The following CTNNA2 variants were observed in gnomAD, a reference collection of about 807,000 sequenced individuals.
CTNNA2 encodes the protein catenin alpha 2, also known as catenin alpha-2.
In CTNNA2, 42 loss-of-function variants were observed where a neutral mutation model predicts 101.0. The observed-to-expected ratio is 0.42, with a 90% CI of 0.32 to 0.54. The LOEUF is 0.54. Among genes scored for constraint, CTNNA2 ranks in the 20% least tolerant of loss-of-function variants. CTNNA2 has a pLI of 0.14. For missense variants in CTNNA2, 871 were observed against 1,223.1 expected, an observed-to-expected ratio of 0.71 and a Z score of 4.29; for synonymous variants, 450 against 456.4, an observed-to-expected ratio of 0.99 and a Z score of 0.18.
At chr2:80,166,555 T>C (rs1438811365) in intron 7 of CTNNA2, among the ~76,000 whole-genome samples, 2 of 152,182 alleles carry the variant, frequency 1.3e-5, no homozygotes, top group Non-Finnish European at 2.9e-5. Context: ...TCTATTTGGC[T>C]GTTGGCTGTT....
chr2:80,373,950 A>G (rs138116033), intron 7 of CTNNA2, among the ~76,000 whole-genome samples: 2 of 152,270 alleles, frequency 1.3e-5, no homozygotes, highest in East Asian at 3.9e-4. Flanking sequence ...TTGTAGCCTA[A>G]TCAGTAATGT....
intron 18 of CTNNA2, among the ~76,000 whole-genome samples, chr2:80,632,186 ACATACCAG>A: frequency 6.6e-6 from 1 of 152,148 alleles, no homozygotes; most frequent in South Asian, 2.1e-4. Flanking sequence ...TTAGTGGAGA[ACATACCAG>A]CATACCAGTA....
rs1258379535 is a variant in CTNNA2, at chr2:79,454,594, T to C, written c.-134-50460T>C. ...AACATAAAGTCTCAAAATATTATCA[T>C]GGTAACTTTGGATCTCTCTTTCCAG... On this transcript the variant is annotated intron_variant, in intron 4 of 21. Transcript: ENST00000466387. 2.0e-5 allele frequency among the ~76,000 whole-genome samples: 3 copies of C among 152,286 alleles called. No individual in the cohort carries two copies. In the South Asian group the frequency reaches 6.2e-4, roughly 32 times the overall value.
At chr2:80,024,558 G>A (rs1302572207) in intron 7 of CTNNA2, among the ~76,000 whole-genome samples, 12 of 152,234 alleles carry the variant, frequency 7.9e-5, no homozygotes. Flanking sequence ...CCCCTCATGG[G>A]AGGGGAAGCA....
At chr2:79,850,480 T>C (rs2103900850) in intron 3 of CTNNA2, among the ~76,000 whole-genome samples, 1 of 146,580 alleles carries the variant, frequency 6.8e-6, no homozygotes, top group East Asian at 2.2e-4. Context: ...CCTTCCTTCC[T>C]ATACCCTGTA....
Position 80,075,612 on chromosome 2 carries a change from GTATAAATA to G in CTNNA2, c.1056+165818_1056+165825del, listed in dbSNP as rs1698651165. ...TGTATAAATATAAATATTTATACATGTATAAATATAAATATTTATACATGTATAAATAT... is the reference window on the plus strand; with the variant it reads ...TGTATAAATATAAATATTTATACATGTAAATATTTATACATGTATAAATAT... On this transcript the variant is annotated intron_variant, in intron 7 of 18. Transcript: ENST00000402739. Among the ~76,000 whole-genome samples, 103 of 95,548 alleles carry G rather than the reference GTATAAATA, an allele frequency of 1.1e-3. 1 individual carries two copies. Among genetic ancestry groups the G allele is most frequent in the African/African-American group, 4.1e-3 (87 of 21,034 alleles). The allele number at this position is 95,548 out of a possible 152,430, so 62.7% of individuals were successfully genotyped here.
chr2:79,436,351 C>G (rs1046338596), intron 4 of CTNNA2, among the ~76,000 whole-genome samples: 6 of 152,160 alleles, frequency 3.9e-5, no homozygotes, highest in Non-Finnish European at 8.8e-5. Context: ...GCCCTTGAGG[C>G]CAGGGCTGGT....
chr2:79,272,749 A>G (rs189891834), intron 2 of CTNNA2, among the ~76,000 whole-genome samples: 3 of 152,180 alleles, frequency 2.0e-5, no homozygotes, highest in Non-Finnish European at 4.4e-5. Flanking sequence ...TGTAATTTTT[A>G]TGTGTTTTCT....
intron 3 of CTNNA2, among the ~76,000 whole-genome samples, chr2:79,752,327 T>G (rs930389776): frequency 3.3e-5 from 5 of 152,174 alleles, no homozygotes; most frequent in Non-Finnish European, 5.9e-5. Flanking sequence ...TTAAAGGAGA[T>G]AGTGATCACT....
chr2:79,828,972 C>G (rs948413010), intron 3 of CTNNA2, among the ~76,000 whole-genome samples: 1 of 152,122 alleles, frequency 6.6e-6, no homozygotes, highest in Non-Finnish European at 1.5e-5. Context: ...CTGTCAGAAA[C>G]CTCAATCTTA....
chr2:80,285,365 C>A (rs1272364524), intron 7 of CTNNA2, among the ~76,000 whole-genome samples: 1 of 152,172 alleles, frequency 6.6e-6, no homozygotes, highest in South Asian at 2.1e-4. Context: ...GGTGGGACTA[C>A]CCACATTCTC....
intron 17 of CTNNA2, among the ~76,000 whole-genome samples, chr2:80,614,018 A>G (rs1444402332): frequency 1.3e-5 from 2 of 151,494 alleles, no homozygotes; most frequent in Non-Finnish European, 3.0e-5. Context: ...GGGTCTTAGA[A>G]TTTTTTCAAG....
At chr2:79,798,838 C>T (rs1046869615) in intron 3 of CTNNA2, among the ~76,000 whole-genome samples, 2 of 152,132 alleles carry the variant, frequency 1.3e-5, no homozygotes, top group Admixed American at 6.5e-5. Flanking sequence ...AAATTCTCCC[C>T]AGGAGAGTGG....
intron 11 of CTNNA2, among the ~76,000 whole-genome samples, chr2:80,552,539 ACT>A (rs1437050689): frequency 6.6e-6 from 1 of 152,214 alleles, no homozygotes; most frequent in Non-Finnish European, 1.5e-5. Context: ...GTTGAAAAAC[ACT>A]GAGTAAACTG....
chr2:80,466,258 C>T (rs1339915860), intron 9 of CTNNA2, among the ~76,000 whole-genome samples: 1 of 152,078 alleles, frequency 6.6e-6, no homozygotes, highest in Non-Finnish European at 1.5e-5. Flanking sequence ...GAGCTTTCTA[C>T]CCAAATAAAA....
chr2:80,523,650 T>C (rs1689770689), intron 9 of CTNNA2, among the ~76,000 whole-genome samples: 1 of 152,136 alleles, frequency 6.6e-6, no homozygotes, highest in African/African-American at 2.4e-5. Context: ...GTGTAAGTGG[T>C]ACATGGACAT....
In CTNNA2 at chr2:79,764,551, C is replaced by T. The variant is rs138743118; in HGVS notation, c.298+19969C>T. 5.6e-3 allele frequency among the ~76,000 whole-genome samples: 851 copies of T among 152,110 alleles called. 9 individuals are homozygous for T. Among genetic ancestry groups the T allele is most frequent in the African/African-American group, 0.019 (802 of 41,536 alleles). On this transcript the variant is annotated intron_variant, in intron 3 of 18. Coordinates refer to ENST00000402739, the MANE Select transcript of CTNNA2 (RefSeq NM_001282597.3). ...AAATTAATGTTTATAACATTACATC[C>T]TTAAGAATCAAAAACAATTCATCTG...
intron 2 of CTNNA2, among the ~76,000 whole-genome samples, chr2:79,708,581 T>C (rs1270309179): frequency 2.0e-5 from 3 of 152,210 alleles, no homozygotes; most frequent in Non-Finnish European, 2.9e-5. Context: ...CAGTAAACTT[T>C]CATAAAATTG....
At chr2:79,335,855 A>G (rs974735287) in intron 3 of CTNNA2, among the ~76,000 whole-genome samples, 1 of 152,242 alleles carries the variant, frequency 6.6e-6, no homozygotes, top group Admixed American at 6.5e-5. Context: ...CAGCCAACTT[A>G]GGAAACTTGC....
Sources: gnomAD v4.1 joint callset for allele counts (sites outside exome capture counted in the v4.1 genomes callset) on GRCh38, gnomAD v4.1.1 for gene constraint, MANE v1.5 for transcripts, NCBI Gene and HGNC (gene_info 2026-07-23, HGNC 2026-07-21) for gene names.